The following ROBO2 variants were observed in gnomAD, a reference collection of about 807,000 sequenced individuals.
The protein encoded by ROBO2 is roundabout homolog 2.
A neutral mutation model predicts 160.8 loss-of-function variants in ROBO2; 53 were observed. The ratio of observed to expected loss-of-function variants is 0.33; its 90% CI spans 0.26 to 0.41. The LOEUF (loss-of-function observed/expected upper bound fraction) is 0.41, where lower values mean the gene tolerates loss of function less well. Ranked by LOEUF, ROBO2 falls within the 10% of genes least tolerant of loss-of-function variation. The pLI is 1.00. For missense variants in ROBO2, 1,577 were observed against 1,722.4 expected (o/e 0.92, Z 1.49); for synonymous variants, 664 against 611.7 (o/e 1.09, Z -1.26).
chr3:76,037,804 T>C (rs189946595), intron 2 of ROBO2, among the ~76,000 whole-genome samples: 15 of 152,166 alleles, frequency 9.9e-5, no homozygotes, highest in Admixed American at 7.8e-4. Context: ...ACAAAATCCT[T>C]AACTACCCTT....
intron 1 of ROBO2, among the ~76,000 whole-genome samples, chr3:77,047,833 G>T (rs1309543768): frequency 6.6e-6 from 1 of 151,586 alleles, no homozygotes; most frequent in Non-Finnish European, 1.5e-5. Flanking sequence ...CACGAGGTCA[G>T]GAGGTCGAGA....
At chr3:77,497,472 A>G (rs1403396714) in intron 5 of ROBO2, among the ~76,000 whole-genome samples, 1 of 152,144 alleles carries the variant, frequency 6.6e-6, no homozygotes, top group African/African-American at 2.4e-5. Flanking sequence ...GCAAGTTTGA[A>G]AAAGTAAGTC....
chr3:77,141,527 TA>T (rs2076702042), intron 2 of ROBO2, among the ~76,000 whole-genome samples: 1 of 152,202 alleles, frequency 6.6e-6, no homozygotes, highest in Non-Finnish European at 1.5e-5. Context: ...TCACTTTTCT[TA>T]CATCCTACCC....
chr3:75,945,713 G>A (rs1023674188), intron 2 of ROBO2, among the ~76,000 whole-genome samples: 1 of 151,864 alleles, frequency 6.6e-6, no homozygotes, highest in Non-Finnish European at 1.5e-5. Context: ...TAATTTGAAA[G>A]CATTCTAGAA....
chr3:76,472,259 AAT>A (rs745704444), intron 2 of ROBO2, among the ~76,000 whole-genome samples: 36 of 152,302 alleles, frequency 2.4e-4, no homozygotes, highest in East Asian at 9.7e-4. Flanking sequence ...TATTTAAAAT[AAT>A]ATGTGTTTAT....
intron 2 of ROBO2, among the ~76,000 whole-genome samples, chr3:76,571,106 T>C (rs893048867): frequency 6.6e-6 from 1 of 152,168 alleles, no homozygotes. Context: ...CTCTAGCATG[T>C]ATAACTCACA....
At chr3:76,370,654 C>A (rs1481002732) in intron 2 of ROBO2, among the ~76,000 whole-genome samples, 2 of 151,862 alleles carry the variant, frequency 1.3e-5, no homozygotes, top group Admixed American at 6.6e-5. Context: ...AGGAGCTCTT[C>A]ATTTGTCACA....
At chr3:76,157,551 G>C (rs2072456524) in intron 2 of ROBO2, among the ~76,000 whole-genome samples, 1 of 152,092 alleles carries the variant, frequency 6.6e-6, no homozygotes. Flanking sequence ...CTGAATATTT[G>C]TGGGATTTCT....
At chr3:77,078,325 C>T (rs527842889) in intron 1 of ROBO2, among the ~76,000 whole-genome samples, 30 of 152,324 alleles carry the variant, frequency 2.0e-4, no homozygotes, top group Non-Finnish European at 4.3e-4. Context: ...TCCTGGGATA[C>T]TTTGTCCCAA....
exon 3 of ROBO2, chr3:77,477,508 A>G (rs201930732): frequency 6.2e-7 from 1 of 1,614,110 alleles, no homozygotes; most frequent in Admixed American, 1.7e-5. Flanking sequence ...GGGGACACCC[A>G]GAACCCACCA....
intron 2 of ROBO2, among the ~76,000 whole-genome samples, chr3:77,321,754 G>A (rs2064724929): frequency 6.6e-6 from 1 of 152,096 alleles, no homozygotes; most frequent in African/African-American, 2.4e-5. Context: ...GGAAATACAA[G>A]GACAACTAAG....
chr3:76,046,512 G>C (rs567202998), intron 2 of ROBO2, among the ~76,000 whole-genome samples: 1 of 151,102 alleles, frequency 6.6e-6, no homozygotes, highest in Non-Finnish European at 1.5e-5. Flanking sequence ...AGCCGGGCGT[G>C]GTGGCAGCGC....
Position 77,132,523 on chromosome 3 carries a change from C to T in ROBO2, c.388+34183C>T, listed in dbSNP as rs570642907. ...ATATTATTTATACCACAAGGAAGGT[C>T]CTGATGAAAAAAAGTCATTCTTGAT... is the stretch of plus-strand genomic sequence containing the variant. On this transcript the variant is annotated intron_variant, in intron 2 of 25. Transcript: ENST00000461745. Among the ~76,000 whole-genome samples, 315 of 151,966 alleles carry T rather than the reference C, an allele frequency of 2.1e-3. 2 individuals carry two copies. Among genetic ancestry groups the T allele is most frequent in the Non-Finnish European group, 3.0e-3 (202 of 67,884 alleles).
intron 2 of ROBO2, among the ~76,000 whole-genome samples, chr3:76,888,317 G>A (rs1032947066): frequency 1.3e-5 from 2 of 152,122 alleles, no homozygotes; most frequent in East Asian, 1.9e-4. Context: ...GCTGTGAGCC[G>A]AAATCACGGC....
intron 15 of ROBO2, 123 bp downstream of exon 16, chr3:77,577,737 A>G: frequency 1.6e-6 from 2 of 1,213,088 alleles, no homozygotes; most frequent in Non-Finnish European, 2.4e-6. Flanking sequence ...GTTTTTATTT[A>G]TATTTCTGTG....
intron 14 of ROBO2, among the ~76,000 whole-genome samples, chr3:77,576,091 T>C (rs80015447): frequency 3.9e-5 from 6 of 152,050 alleles, no homozygotes; most frequent in Non-Finnish European, 7.4e-5. Context: ...GCAAGGTGAA[T>C]GAGAAACCCA....
intron 2 of ROBO2, among the ~76,000 whole-genome samples, chr3:76,283,977 C>T (rs1708378821): frequency 6.6e-6 from 1 of 151,970 alleles, no homozygotes; most frequent in African/African-American, 2.4e-5. Context: ...TTCGTAATAA[C>T]TACTTCTCAC....
At chr3:77,527,448 C>G (rs764278325) in intron 6 of ROBO2, 34 bp downstream of exon 7, 16 of 1,274,662 alleles carry the variant, frequency 1.3e-5, no homozygotes, top group Non-Finnish European at 1.6e-5. Context: ...CTAAGCATGG[C>G]TTTGCACAGT....
intron 5 of ROBO2, 87 bp downstream of exon 5, chr3:77,493,469 A>C: frequency 7.2e-7 from 1 of 1,392,258 alleles, no homozygotes; most frequent in Admixed American, 1.7e-5. Context: ...ACCACCAAAC[A>C]CTCCTATGTC....
Sources: gnomAD v4.1 joint callset for allele counts (sites outside exome capture counted in the v4.1 genomes callset) on GRCh38, gnomAD v4.1.1 for gene constraint, MANE v1.5 for transcripts, NCBI Gene and HGNC (gene_info 2026-07-23, HGNC 2026-07-21) for gene names.